Variants in LAMA2 observed in about 807,000 individuals in gnomAD.
LAMA2 encodes the protein laminin subunit alpha-2.
Under a neutral mutation model 364.8 loss-of-function variants are expected in LAMA2, and 269 were observed. That is an observed-to-expected ratio of 0.74 (90% CI 0.67 to 0.82). The LOEUF (loss-of-function observed/expected upper bound fraction) is 0.82. Ranked by LOEUF, LAMA2 falls within the 40% of genes least tolerant of loss-of-function variation. The pLI is 0.00. For missense variants in LAMA2, 3,807 were observed against 3,873.2 expected, an observed-to-expected ratio of 0.98 and a Z score of 0.45; for synonymous variants, 1,379 against 1,370.6, an observed-to-expected ratio of 1.01 and a Z score of -0.14.
chr6:128,950,850 A>G (rs1273600739), intron 1 of LAMA2, among the ~76,000 whole-genome samples: 1 of 152,176 alleles, frequency 6.6e-6, no homozygotes, highest in Non-Finnish European at 1.5e-5. Context: ...TCATGTATAC[A>G]TATACATGTA....
At chr6:129,364,078 C>T (rs1263404096) in intron 32 of LAMA2, among the ~76,000 whole-genome samples, 5 of 152,154 alleles carry the variant, frequency 3.3e-5, no homozygotes, top group African/African-American at 1.2e-4. Context: ...GCTTGCAAAG[C>T]CCCTGCAGGT....
chr6:128,947,091 C>G (rs866764752), intron 1 of LAMA2, among the ~76,000 whole-genome samples: 10 of 152,132 alleles, frequency 6.6e-5, no homozygotes, highest in South Asian at 2.1e-4. Flanking sequence ...AACACATCAC[C>G]CTGTTTATTC....
At chr6:129,007,305 C>G (rs1226221797) in intron 1 of LAMA2, among the ~76,000 whole-genome samples, 3 of 152,130 alleles carry the variant, frequency 2.0e-5, no homozygotes, top group African/African-American at 7.2e-5. Context: ...TGTGTTTCCT[C>G]TACTGTGGAG....
chr6:129,050,099 T>A lies in LAMA2; in HGVS notation c.283+11T>A. 1 of 1,614,066 alleles carries A rather than the reference T, an allele frequency of 6.2e-7. No individual in the cohort carries two copies. Reference sequence around the variant, plus strand: ...GCAGCAATCCAAACCGTATGTATTTTAGTGTGTAGGTGTGTGGCGCTGGGT... The same window carrying A: ...GCAGCAATCCAAACCGTATGTATTTAAGTGTGTAGGTGTGTGGCGCTGGGT... On this transcript the variant is annotated intron_variant, in intron 2 of 64. Transcript: ENST00000421865.
intron 35 of LAMA2, among the ~76,000 whole-genome samples, chr6:129,389,613 G>A (rs190687733): frequency 1.1e-4 from 16 of 152,278 alleles, no homozygotes; most frequent in African/African-American, 2.6e-4. Flanking sequence ...AAGAAAAGAC[G>A]TATAAATTGA....
intron 9 of LAMA2, among the ~76,000 whole-genome samples, chr6:129,167,791 G>C (rs1323373398): frequency 4.6e-5 from 7 of 151,806 alleles, no homozygotes; most frequent in Non-Finnish European, 7.3e-5. Context: ...GTGTGTAAAA[G>C]TGTTCCTATT....
Position 129,393,130 on chromosome 6 carries a change from G to A in LAMA2, c.5320G>A (p.Glu1774Lys). ...ENEEMEKDLREKLADYKNKVD... is the reference protein window; with the variant it reads ...ENEEMEKDLRKKLADYKNKVD... ...TGAAGAAATGGAGAAGGATCTCCGG[G>A]AAAAACTGGCTGACTACAAAAACAA... is the stretch of plus-strand genomic sequence containing the variant. The change falls in exon 37 of 65, where the codon GAA becomes AAA. Residue 1774 changes from glutamate to lysine, a missense_variant. Glu to Lys is a moderately conservative substitution (Grantham distance 56). This residue lies in a region of LAMA2 where 3,333 missense variants were observed against 3,345.7 expected (regional missense o/e 1.00). Coordinates refer to ENST00000421865, the MANE Select transcript of LAMA2 (RefSeq NM_000426.4). 1 of 1,614,058 alleles carries A rather than the reference G, an allele frequency of 6.2e-7. No homozygotes were observed. The highest frequency in any genetic ancestry group is 1.1e-5 in the South Asian group (1 of 91,088).
chr6:129,371,145 T>G (rs1038972886), intron 34 of LAMA2, among the ~76,000 whole-genome samples: 16 of 152,196 alleles, frequency 1.1e-4, no homozygotes, highest in African/African-American at 3.9e-4. Flanking sequence ...ATAAATCAAT[T>G]TAACAAGCAC....
At chr6:129,174,074 A>T (rs1012045152) in intron 9 of LAMA2, among the ~76,000 whole-genome samples, 2 of 152,110 alleles carry the variant, frequency 1.3e-5, no homozygotes, top group Non-Finnish European at 1.5e-5. Context: ...AAGTTCAGGT[A>T]AAATTCTTTA....
At chr6:129,429,276 T>G (rs1781475765) in intron 41 of LAMA2, among the ~76,000 whole-genome samples, 1 of 152,232 alleles carries the variant, frequency 6.6e-6, no homozygotes, top group Non-Finnish European at 1.5e-5. Flanking sequence ...ACTTTTTTAT[T>G]GATGCATAAC....
At chr6:128,914,450 A>G (rs1453282546) in intron 1 of LAMA2, among the ~76,000 whole-genome samples, 1 of 152,194 alleles carries the variant, frequency 6.6e-6, no homozygotes, top group East Asian at 1.9e-4. Flanking sequence ...TGTATTATTT[A>G]ACTGTGTAAT....
chr6:129,324,104 C>CAGACAAGT (rs1219778376), intron 28 of LAMA2, among the ~76,000 whole-genome samples: 1 of 152,184 alleles, frequency 6.6e-6, no homozygotes, highest in Non-Finnish European at 1.5e-5. Context: ...TTTTCATGTA[C>CAGACAAGT]AGACAAGTGT....
rs548394087 is a variant in LAMA2 at position 128,998,458 on chromosome 6, G to A, written c.113-51460G>A. Among the ~76,000 whole-genome samples, 421 of 71,046 alleles carry A rather than the reference G, an allele frequency of 5.9e-3. 148 individuals carry two copies. The highest frequency in any genetic ancestry group is 0.051 in the African/African-American group (406 of 8,018). The allele number at this position is 71,046 out of a possible 152,430, so 46.6% of individuals were successfully genotyped here. On this transcript the variant is annotated intron_variant, in intron 1 of 64. Transcript: ENST00000421865. Reference sequence around the variant, plus strand: ...TCCCAGTGTGAGCGACGCAGAAGACGGTGATTTCTGCATTTCCATCTGAGG... The same window carrying A: ...TCCCAGTGTGAGCGACGCAGAAGACAGTGATTTCTGCATTTCCATCTGAGG...
At chr6:129,381,236 T>A (rs528896159) in intron 34 of LAMA2, among the ~76,000 whole-genome samples, 1 of 152,322 alleles carries the variant, frequency 6.6e-6, no homozygotes, top group African/African-American at 2.4e-5. Flanking sequence ...TTCCTTATTA[T>A]GGTGTTCAGT....
At chr6:129,369,813 A>G (rs1583590921) in intron 33 of LAMA2, 79 bp from the exon 34 acceptor site, 13 of 1,221,334 alleles carry the variant, frequency 1.1e-5, no homozygotes, top group Admixed American at 1.7e-5. Context: ...TTCCTTTTAT[A>G]TACAAAAATG....
intron 15 of LAMA2, among the ~76,000 whole-genome samples, chr6:129,263,812 T>G (rs1388655641): frequency 2.0e-5 from 3 of 152,172 alleles, no homozygotes; most frequent in Non-Finnish European, 4.4e-5. Flanking sequence ...CTGTCATAGC[T>G]TGCTGCAGCC....
Position 129,514,459 on chromosome 6 carries a change from G to C in LAMA2, c.9075G>C (p.Trp3025Cys). Reference protein sequence around the residue: ...GVPGHLCDGQWHKVTANKIKH... With the variant: ...GVPGHLCDGQCHKVTANKIKH... ...CAGGGCATTTGTGTGATGGACAATG[G>C]CATAAAGTCACTGCCAACAAGATCA... Residue 3025 changes from tryptophan (W) to cysteine (C), a missense_variant, in exon 64 of 65, where the codon TGG becomes TGC. Physicochemically the swap from Trp to Cys is radical, Grantham distance 215. Coordinates refer to ENST00000421865, the MANE Select transcript of LAMA2 (RefSeq NM_000426.4). 6.2e-7 allele frequency: 1 copy of C among 1,613,966 alleles called. No individual in the cohort carries two copies. The highest frequency in any genetic ancestry group is 1.1e-5 in the South Asian group (1 of 91,070).
At chr6:129,473,141 G>A in intron 51 of LAMA2, 73 bp from the exon 52 acceptor site, 1 of 1,206,912 alleles carries the variant, frequency 8.3e-7, no homozygotes, top group Non-Finnish European at 1.2e-6. Context: ...AATTTGTCTT[G>A]AAGTATTAAT....
chr6:129,160,340 T>C (rs1779374651), intron 8 of LAMA2, among the ~76,000 whole-genome samples: 1 of 152,116 alleles, frequency 6.6e-6, no homozygotes, highest in South Asian at 2.1e-4. Flanking sequence ...TTTCAAGTAA[T>C]TTGTTCAATT....
Sources: allele counts gnomAD v4.1 joint callset (sites outside exome capture counted in the v4.1 genomes callset), GRCh38; gene constraint gnomAD v4.1.1; regional missense constraint gnomAD v4.1.1; transcripts MANE v1.5; gene names NCBI Gene and HGNC (gene_info 2026-07-23, HGNC 2026-07-21).